SEL1L3: variants seen among roughly 807,000 people sequenced by gnomAD.
The protein encoded by SEL1L3 is protein sel-1 homolog 3.
Under a neutral mutation model 142.8 loss-of-function variants are expected in SEL1L3, and 76 were observed. The ratio of observed to expected loss-of-function variants is 0.53; its 90% CI spans 0.44 to 0.64. The LOEUF is 0.64. SEL1L3 is among the 30% of genes least tolerant of loss of function. SEL1L3 has a pLI of 0.00. For synonymous variants in SEL1L3, 504 were observed against 519.6 expected (o/e 0.97, Z 0.41); for missense variants, 1,262 against 1,381.7 (o/e 0.91, Z 1.37).
At chr4:25,761,941 TA>T (rs879794098) in intron 20 of SEL1L3, among the ~76,000 whole-genome samples, 22 of 152,282 alleles carry the variant, frequency 1.4e-4, no homozygotes, top group Non-Finnish European at 2.2e-4. Context: ...TAAAACCATT[TA>T]TTTTTTTTTA....
intron 15 of SEL1L3, among the ~76,000 whole-genome samples, chr4:25,780,729 A>G (rs1719935526): frequency 6.8e-6 from 1 of 147,162 alleles, no homozygotes; most frequent in African/African-American, 2.5e-5. Context: ...AAATATATAA[A>G]TAATATATAT....
chr4:25,776,348 A>G lies in SEL1L3; in HGVS notation c.2598T>C (p.His866=), dbSNP rs990181748. Residue 866 remains histidine, a synonymous_variant, in exon 17 of 24, where the codon CAT becomes CAC. Transcript: ENST00000399878. ...DPEKAVVWAK[H]VAEKNGYLGH... Reference sequence around the variant, plus strand: ...CCAAGTAGCCATTTTTCTCAGCTACATGTTTTGCCCATCTGAAAAAAAAAA... The same window carrying G: ...CCAAGTAGCCATTTTTCTCAGCTACGTGTTTTGCCCATCTGAAAAAAAAAA... 1.9e-5 allele frequency: 31 copies of G among 1,611,570 alleles called. No individual in the cohort carries two copies. Among genetic ancestry groups the G allele is most frequent in the Non-Finnish European group, 2.0e-5 (23 of 1,178,254 alleles).
chr4:25,825,692 T>G (rs1715049750), intron 6 of SEL1L3, among the ~76,000 whole-genome samples: 1 of 137,334 alleles, frequency 7.3e-6, no homozygotes, highest in Admixed American at 7.0e-5. Flanking sequence ...TTTTTTTTTT[T>G]GGAGACAGAG....
chr4:25,790,982 T>A (rs1712294673), intron 11 of SEL1L3, among the ~76,000 whole-genome samples: 1 of 152,242 alleles, frequency 6.6e-6, no homozygotes, highest in Non-Finnish European at 1.5e-5. Flanking sequence ...ATGTATCACA[T>A]CTTCTATATC....
intron 23 of SEL1L3, 25 bp downstream of exon 23, chr4:25,757,509 G>A (rs748837981): frequency 2.6e-5 from 28 of 1,059,038 alleles, no homozygotes; most frequent in African/African-American, 2.1e-4. Flanking sequence ...TTAATATATT[G>A]CTTTCGCTTT....
chr4:25,826,617 G>A (rs1715109950), intron 6 of SEL1L3, among the ~76,000 whole-genome samples: 1 of 152,122 alleles, frequency 6.6e-6, no homozygotes, highest in Non-Finnish European at 1.5e-5. Context: ...AGGGCAGCTG[G>A]GGTGGTGGGG....
Position 25,782,306 on chromosome 4 carries a change from G to A in SEL1L3, c.2393C>T (p.Ala798Val), listed in dbSNP as rs762938975. 8.1e-6 allele frequency: 13 copies of A among 1,613,704 alleles called. No homozygotes were observed. Among genetic ancestry groups the A allele is most frequent in the African/African-American group, 2.7e-5 (2 of 74,898 alleles). Residue 798 changes from alanine to valine, a missense_variant, in exon 15 of 24, where the codon GCG becomes GTG. Ala to Val is a moderately conservative substitution (Grantham distance 64). This residue lies in a region of SEL1L3 where 435 missense variants were observed against 559.2 expected (regional missense o/e 0.78). Transcript: ENST00000399878. Reference protein sequence around the residue: ...LKAEEMGNPDASYNLGVLHLD... With the variant: ...LKAEEMGNPDVSYNLGVLHLD... ...ATGCAGGACTCCAAGATTGTATGAC[G>A]CATCTGGGTTCCCCATTTCTTCTGC...
intron 5 of SEL1L3, among the ~76,000 whole-genome samples, chr4:25,831,448 C>T (rs924718166): frequency 2.7e-5 from 4 of 150,424 alleles, no homozygotes; most frequent in African/African-American, 9.8e-5. Flanking sequence ...TGCTATCTCC[C>T]TTCTAGGAAT....
intron 9 of SEL1L3, among the ~76,000 whole-genome samples, chr4:25,815,925 T>A (rs922660481): frequency 6.6e-6 from 1 of 150,736 alleles, no homozygotes; most frequent in East Asian, 1.9e-4. Flanking sequence ...AAACATCCCG[T>A]AACACACAGG....
the SEL1L3 span, among the ~76,000 whole-genome samples, chr4:25,726,081 T>G: frequency 6.6e-6 from 1 of 151,836 alleles, no homozygotes; most frequent in African/African-American, 2.4e-5. Context: ...CAAGATGGAG[T>G]CCCCCTGGTT....
At chr4:25,831,513 T>TAATAATAATA (rs1560340097) in intron 5 of SEL1L3, among the ~76,000 whole-genome samples, 11 of 100,828 alleles carry the variant, frequency 1.1e-4, no homozygotes, top group South Asian at 9.6e-4. Flanking sequence ...TAATAATAAT[T>TAATAATAATA]ATTATTATTA....
At chr4:25,797,438 T>C (rs1712859193) in intron 11 of SEL1L3, among the ~76,000 whole-genome samples, 1 of 151,896 alleles carries the variant, frequency 6.6e-6, no homozygotes, top group South Asian at 2.1e-4. Flanking sequence ...CCAGTAGGAG[T>C]GCGTGTGTTT....
At chr4:25,777,487 CTT>C in intron 16 of SEL1L3, 1 of 178,126 alleles carries the variant, frequency 5.6e-6, no homozygotes, top group South Asian at 1.1e-4. Context: ...AATTAACAAA[CTT>C]GATGTAACTG....
At chr4:25,818,466 A>G (rs1029018148) in intron 8 of SEL1L3, among the ~76,000 whole-genome samples, 188 bp from the exon 9 acceptor site, 3 of 152,208 alleles carry the variant, frequency 2.0e-5, no homozygotes, top group African/African-American at 7.2e-5. Context: ...AGCCAAGTCC[A>G]TGAGAAATGT....
At chr4:25,854,384 T>C (rs1454919463) in intron 1 of SEL1L3, among the ~76,000 whole-genome samples, 2 of 152,206 alleles carry the variant, frequency 1.3e-5, no homozygotes, top group African/African-American at 4.8e-5. Context: ...TTCAAGTGAT[T>C]CTCGTGCCTC....
chr4:25,824,125 G>C (rs1326578947), intron 6 of SEL1L3, among the ~76,000 whole-genome samples: 2 of 152,180 alleles, frequency 1.3e-5, no homozygotes, highest in Non-Finnish European at 2.9e-5. Context: ...GCCTATTTAA[G>C]GAGAGGCCAT....
At chr4:25,829,350 G>A (rs1201486254) in intron 6 of SEL1L3, among the ~76,000 whole-genome samples, 1 of 152,230 alleles carries the variant, frequency 6.6e-6, no homozygotes, top group Non-Finnish European at 1.5e-5. Context: ...CTCATTGTAA[G>A]TTGAAGGTAT....
chr4:25,778,424 A>C (rs537963925), intron 16 of SEL1L3, among the ~76,000 whole-genome samples: 2 of 152,370 alleles, frequency 1.3e-5, no homozygotes, highest in Non-Finnish European at 2.9e-5. Context: ...AATGATAAGT[A>C]TACAGAAAGC....
chr4:25,837,816 G>A (rs957334177), intron 2 of SEL1L3, among the ~76,000 whole-genome samples: 1 of 152,000 alleles, frequency 6.6e-6, no homozygotes, highest in Non-Finnish European at 1.5e-5. Context: ...TAGATCTATT[G>A]TCTAATAACT....
Sources: allele counts gnomAD v4.1 joint callset (sites outside exome capture counted in the v4.1 genomes callset), GRCh38; gene constraint gnomAD v4.1.1; regional missense constraint gnomAD v4.1.1; transcripts MANE v1.5; gene names NCBI Gene and HGNC (gene_info 2026-07-23, HGNC 2026-07-21).